LPIN2: variants seen among roughly 807,000 people sequenced by gnomAD.
LPIN2 encodes lipin 2, also known as phosphatidate phosphatase LPIN2.
A neutral mutation model predicts 111.4 loss-of-function variants in LPIN2; 55 were observed. The observed-to-expected ratio is 0.49, with a 90% CI of 0.40 to 0.62. The LOEUF is 0.62. Among genes scored for constraint, LPIN2 ranks in the 20% least tolerant of loss-of-function variants. LPIN2 has a pLI of 0.00. For synonymous variants in LPIN2, 425 were observed against 414.0 expected (o/e 1.03, Z -0.32); for missense variants, 992 against 1,112.1 (o/e 0.89, Z 1.54).
rs777787517 is a variant in LPIN2 at position 2,937,826 on chromosome 18, A to G, written c.1034T>C (p.Leu345Pro). ...AGTACTCTCAAGAGGAGGTTCGAGA[A>G]GCTCTGCCACAGATGTTGGGTCGCT... ...QMSDPTSVAE[L>P]LEPPLESTQI... Residue 345 changes from leucine to proline, a missense_variant, in exon 7 of 20, where the codon CTT becomes CCT. Coordinates refer to ENST00000677752, the MANE Select transcript of LPIN2 (RefSeq NM_001375808.2). 1.2e-6 allele frequency: 2 copies of G among 1,614,178 alleles called. No individual in the cohort carries two copies. The highest frequency in any genetic ancestry group is 1.7e-6 in the Non-Finnish European group (2 of 1,180,038).
intron 4 of LPIN2, among the ~76,000 whole-genome samples, chr18:2,947,870 C>T (rs529105983): frequency 6.6e-5 from 10 of 152,180 alleles, no homozygotes; most frequent in Non-Finnish European, 1.3e-4. Context: ...TGTTAATGAC[C>T]GTAAATAGCT....
chr18:2,924,446 T>C lies in LPIN2; in HGVS notation c.2039A>G (p.Asn680Ser). 18 of 1,614,208 alleles carry C rather than the reference T, an allele frequency of 1.1e-5. No individual in the cohort carries two copies. The highest frequency in any genetic ancestry group is 1.4e-5 in the Non-Finnish European group (17 of 1,180,016). The change falls in exon 15 of 20, where the codon AAC becomes AGC. Residue 680 changes from asparagine to serine, a missense_variant. Transcript: ENST00000677752. ...CRCAGTIYLW[N>S]WNDKIIISDI... ...AGAAATGATGATCTTGTCATTCCAGTTCCACAGGTAAATGGTCCCTGCACA... is the reference window on the plus strand; with the variant it reads ...AGAAATGATGATCTTGTCATTCCAGCTCCACAGGTAAATGGTCCCTGCACA...
chr18:2,961,210 G>A (rs1194272467), intron 1 of LPIN2, among the ~76,000 whole-genome samples: 2 of 152,106 alleles, frequency 1.3e-5, no homozygotes, highest in Admixed American at 6.5e-5. Flanking sequence ...AGACCCTTTG[G>A]AACCTGCGGC....
chr18:2,952,583 T>G (rs1191168892), intron 3 of LPIN2, among the ~76,000 whole-genome samples: 1 of 152,216 alleles, frequency 6.6e-6, no homozygotes, highest in Non-Finnish European at 1.5e-5. Flanking sequence ...TTGATTTAGC[T>G]AGGAGAAATC....
intron 1 of LPIN2, among the ~76,000 whole-genome samples, chr18:3,010,933 A>C (rs1216362870): frequency 1.3e-5 from 2 of 152,174 alleles, no homozygotes; most frequent in Admixed American, 1.3e-4. Context: ...CTCACCATTC[A>C]GGGAAGGTAA....
intron 1 of LPIN2, among the ~76,000 whole-genome samples, chr18:2,999,000 A>G (rs1376768851): frequency 6.6e-6 from 1 of 152,238 alleles, no homozygotes; most frequent in African/African-American, 2.4e-5. Flanking sequence ...TAATCTAAAA[A>G]TTACTTCCTA....
Position 2,917,480 on chromosome 18 carries a change from C to T in LPIN2, c.*2813G>A, listed in dbSNP as rs907980691. ...CAACTGTGGAAGGGCTGTGTGCAGG[C>T]CCCACAGTTGCAGGGGCTGTTCCGG... On this transcript the variant is annotated 3_prime_UTR_variant, in exon 20 of 20. Coordinates refer to ENST00000677752, the MANE Select transcript of LPIN2 (RefSeq NM_001375808.2). 2.5e-4 allele frequency: 38 copies of T among 152,338 alleles called. 1 individual carries two copies. The highest frequency in any genetic ancestry group is 2.3e-3 in the Admixed American group (35 of 15,306). 9.4% of individuals were successfully genotyped at this position (152,338 alleles called of 1,614,324 possible). A position where few individuals can be genotyped will look rare whatever the true frequency, so the allele number is the denominator to read the frequency against.
intron 1 of LPIN2, among the ~76,000 whole-genome samples, chr18:2,984,622 G>A (rs2078160912): frequency 6.6e-6 from 1 of 152,116 alleles, no homozygotes; most frequent in Non-Finnish European, 1.5e-5. Flanking sequence ...GAAATAAAAT[G>A]TAGAAGAGAT....
intron 9 of LPIN2, 140 bp downstream of exon 9, chr18:2,931,116 G>A (rs1436965348): frequency 2.0e-6 from 2 of 1,011,286 alleles, no homozygotes; most frequent in African/African-American, 3.2e-5. Flanking sequence ...ATAAGGGTCT[G>A]ACATTACAGA....
At chr18:2,980,214 C>G (rs570419254) in intron 1 of LPIN2, among the ~76,000 whole-genome samples, 1 of 152,302 alleles carries the variant, frequency 6.6e-6, no homozygotes, top group South Asian at 2.1e-4. Context: ...AGCCCTTCTT[C>G]CCCCTTGTTC....
At chr18:2,921,005 A>G (rs556214342) in intron 18 of LPIN2, 124 bp from the exon 19 acceptor site, 10 of 735,648 alleles carry the variant, frequency 1.4e-5, no homozygotes, top group South Asian at 1.0e-4. Context: ...GAGGCGGCAC[A>G]GTGCAGTTGC....
chr18:3,009,674 C>G (rs1225879731), intron 1 of LPIN2, among the ~76,000 whole-genome samples: 1 of 152,064 alleles, frequency 6.6e-6, no homozygotes, highest in Non-Finnish European at 1.5e-5. Context: ...TTCCTGACCT[C>G]AGGTGATCCG....
At chr18:3,008,614 T>G (rs566110375) in intron 1 of LPIN2, among the ~76,000 whole-genome samples, 2 of 152,296 alleles carry the variant, frequency 1.3e-5, no homozygotes, top group Non-Finnish European at 2.9e-5. Flanking sequence ...AAGGATGCTT[T>G]CCCCATCTTT....
At chr18:2,946,446 G>GA in intron 4 of LPIN2, 1 of 1,434,036 alleles carries the variant, frequency 7.0e-7, no homozygotes, top group Non-Finnish European at 9.8e-7. Context: ...TGAAAGACTG[G>GA]AACGCCTGGG....
At chr18:2,954,642 T>C in intron 2 of LPIN2, 43 bp from the exon 3 acceptor site, 1 of 1,346,106 alleles carries the variant, frequency 7.4e-7, no homozygotes, top group Non-Finnish European at 1.1e-6. Context: ...AAGGAGTCTT[T>C]CCTTCAAGTT....
At chr18:2,945,891 C>T (rs1007026301) in intron 4 of LPIN2, 3 of 1,432,492 alleles carry the variant, frequency 2.1e-6, no homozygotes, top group African/African-American at 2.8e-5. Flanking sequence ...TTTTTTAGTC[C>T]ACATGTTTCT....
In LPIN2 at chr18:2,934,380, A is replaced by G; in HGVS notation, c.1239T>C (p.Pro413=). Residue 413 remains proline, a synonymous_variant, in exon 8 of 20, where the codon CCT becomes CCC. Transcript: ENST00000677752. The part of the protein sequence containing the change: ...IYLDDLKGLE[P]EVAALYFPKS... ...TAGGGAAATAAAGAGCTGCAACTTC[A>G]GGTTCTAGACCCTTTAAGTCATCAA... is the stretch of plus-strand genomic sequence containing the variant. The G allele has an allele frequency of 1.2e-6, 2 of 1,613,548 alleles. No individual in the cohort carries two copies. Among genetic ancestry groups the G allele is most frequent in the Non-Finnish European group, 1.7e-6 (2 of 1,179,548 alleles).
At position 2,956,311 on chromosome 18, in the gene LPIN2, G is replaced by GGTGTGTGTGTGTGTGTGTGTGT. The variant is rs55844718; in HGVS notation, c.193-1734_193-1713dup. On this transcript the variant is annotated intron_variant, in intron 2 of 19. Transcript: ENST00000677752. Reference sequence around the variant, plus strand: ...CATGATTTTCATATATAGATGCAGGGGTGTGTGTGTGTGTGTGTGTGTGTG... The same window carrying GGTGTGTGTGTGTGTGTGTGTGT: ...CATGATTTTCATATATAGATGCAGGGGTGTGTGTGTGTGTGTGTGTGTGTGTGTGTGTGTGTGTGTGTGTGTG... Among the ~76,000 whole-genome samples, 975 of 144,022 alleles carry GGTGTGTGTGTGTGTGTGTGTGT rather than the reference G, an allele frequency of 6.8e-3. 32 individuals are homozygous for GGTGTGTGTGTGTGTGTGTGTGT. Among genetic ancestry groups the GGTGTGTGTGTGTGTGTGTGTGT allele is most frequent in the African/African-American group, 0.014 (507 of 36,918 alleles). The allele number at this position is 144,022 out of a possible 152,430, so 94.5% of individuals were successfully genotyped here.
intron 8 of LPIN2, 60 bp downstream of exon 8, chr18:2,934,291 T>C: frequency 8.3e-7 from 1 of 1,210,244 alleles, no homozygotes; most frequent in Non-Finnish European, 1.2e-6. Context: ...TGAAATGTTT[T>C]ACTCTAGAAA....
Sources: allele counts gnomAD v4.1 joint callset (sites outside exome capture counted in the v4.1 genomes callset), GRCh38; gene constraint gnomAD v4.1.1; transcripts MANE v1.5; gene names NCBI Gene and HGNC (gene_info 2026-07-23, HGNC 2026-07-21).